BDP1: variants seen among roughly 807,000 people sequenced by gnomAD.
BDP1 encodes the protein BDP1 general transcription factor IIIB subunit, also known as transcription factor TFIIIB component B'' homolog.
A neutral mutation model predicts 266.6 loss-of-function variants in BDP1; 169 were observed. The observed-to-expected ratio is 0.63, with a 90% confidence interval of 0.56 to 0.72. BDP1 has a LOEUF of 0.72. BDP1 is among the 30% of genes least tolerant of loss of function. BDP1 has a pLI of 0.00. For synonymous variants in BDP1, 1,090 were observed against 1,022.4 expected (o/e 1.07, Z -1.26); for missense variants, 3,015 against 3,053.8 (o/e 0.99, Z 0.30).
At chr5:71,533,579 A>G (rs1299906875) in intron 26 of BDP1, among the ~76,000 whole-genome samples, 1 of 149,086 alleles carries the variant, frequency 6.7e-6, no homozygotes, top group East Asian at 2.0e-4. Context: ...GATCCTCTCC[A>G]CTCAGCATCC....
At chr5:71,550,718 A>T (rs1432576287) in intron 34 of BDP1, among the ~76,000 whole-genome samples, 2 of 152,186 alleles carry the variant, frequency 1.3e-5, no homozygotes, top group East Asian at 3.9e-4. Context: ...TAATATTTTT[A>T]TTTTTGGAGA....
At chr5:71,531,384 G>C (rs1766237171) in intron 25 of BDP1, among the ~76,000 whole-genome samples, 1 of 152,188 alleles carries the variant, frequency 6.6e-6, no homozygotes, top group South Asian at 2.1e-4. Flanking sequence ...CAAATGAAGA[G>C]TAAATATGAG....
Position 71,455,937 on chromosome 5 carries a change from G to A in BDP1, c.60G>A (p.Arg20=), listed in dbSNP as rs745923851. 11 of 1,611,786 alleles carry A rather than the reference G, an allele frequency of 6.8e-6. No individual in the cohort carries two copies. The East Asian group carries it at 2.2e-4, about 33-fold the overall frequency. ...KPNVRPGVGA[R]GSTASNPQRG... ...ATGTCAGGCCTGGTGTAGGCGCCAG[G>A]GGCTCCACAGCTTCCAATCCCCAGC... The change falls in exon 1 of 39, where the codon AGG becomes AGA. Residue 20 remains arginine, a synonymous_variant. Coordinates refer to ENST00000358731, the MANE Select transcript of BDP1 (RefSeq NM_018429.3).
chr5:71,503,667 T>C (rs1339744830), intron 15 of BDP1, among the ~76,000 whole-genome samples: 5 of 152,284 alleles, frequency 3.3e-5, no homozygotes, highest in South Asian at 2.1e-4. Flanking sequence ...CAATTTCTTA[T>C]AATTCCCATG....
In BDP1 at chr5:71,511,027, G is replaced by A. The variant is rs1237631380; in HGVS notation, c.3935G>A (p.Gly1312Glu). Reference sequence around the variant, plus strand: ...AAGGTGGCAGAATTGAAACAAACTGGAAAAACAGACATTTCTCCAAGGGAA... The same window carrying A: ...AAGGTGGCAGAATTGAAACAAACTGAAAAAACAGACATTTCTCCAAGGGAA... The part of the protein sequence containing the change: ...EEKVAELKQT[G>E]KTDISPRENE... Residue 1312 changes from glycine (G) to glutamate (E), a missense_variant, in exon 17 of 39, where the codon GGA becomes GAA. Gly to Glu is a moderately conservative substitution (Grantham distance 98, BLOSUM62 -2). Transcript: ENST00000358731. The A allele has an allele frequency of 6.2e-7, 1 of 1,614,032 alleles. No homozygotes were observed. Among genetic ancestry groups the A allele is most frequent in the South Asian group, 1.1e-5 (1 of 91,056 alleles).
intron 25 of BDP1, 56 bp downstream of exon 25, chr5:71,524,379 T>C: frequency 6.8e-7 from 1 of 1,476,296 alleles, no homozygotes; most frequent in Non-Finnish European, 9.1e-7. Flanking sequence ...TCACCTCTTG[T>C]TTCTTTTAGG....
At chr5:71,545,555 G>A (rs887921684) in intron 32 of BDP1, 1 of 265,686 alleles carries the variant, frequency 3.8e-6, no homozygotes, top group South Asian at 5.5e-5. Context: ...GGTCTTGAAC[G>A]CCTGGCTTCA....
chr5:71,504,655 A>G lies in BDP1; in HGVS notation c.2276A>G (p.Asp759Gly), dbSNP rs767099078. ...CACATGGAAGATCAATCGCGTAAAG[A>G]TTTTGAAGAGGAAGATGTCATATTA... is the stretch of plus-strand genomic sequence containing the variant. ...PQHMEDQSRKDFEEEDVILQP... is the reference protein window; with the variant it reads ...PQHMEDQSRKGFEEEDVILQP... The change falls in exon 16 of 39, where the codon GAT becomes GGT. Residue 759 changes from aspartate (D) to glycine (G), a missense_variant. Transcript: ENST00000358731. The G allele has an allele frequency of 6.2e-7, 1 of 1,613,688 alleles. No individual in the cohort carries two copies.
At chr5:71,508,831 G>A (rs1355477575) in intron 16 of BDP1, among the ~76,000 whole-genome samples, 1 of 152,234 alleles carries the variant, frequency 6.6e-6, no homozygotes, top group Admixed American at 6.5e-5. Context: ...GCTTTGGATA[G>A]TGGTTGTGTG....
At chr5:71,460,206 C>A (rs1024509792) in intron 2 of BDP1, among the ~76,000 whole-genome samples, 4 of 152,108 alleles carry the variant, frequency 2.6e-5, no homozygotes, top group African/African-American at 9.7e-5. Context: ...ATGGTGAAAC[C>A]CCGTCTCTAC....
At chr5:71,553,013 G>A in intron 34 of BDP1, 103 bp from the exon 35 acceptor site, 1 of 974,384 alleles carries the variant, frequency 1.0e-6, no homozygotes, top group South Asian at 1.7e-5. Context: ...GAATACCTCA[G>A]CCTTTAACTT....
chr5:71,555,860 T>G (rs1247207941), intron 35 of BDP1, among the ~76,000 whole-genome samples: 1 of 152,232 alleles, frequency 6.6e-6, no homozygotes, highest in African/African-American at 2.4e-5. Context: ...CTCAAATTAA[T>G]ATGAATTTTA....
At chr5:71,577,246 T>C in the BDP1 span, among the ~76,000 whole-genome samples, 2 of 152,228 alleles carry the variant, frequency 1.3e-5, no homozygotes, top group African/African-American at 4.8e-5. Flanking sequence ...AGTTTACTCA[T>C]TGTGTCCGTA....
chr5:71,559,790 A>C (rs1743498359), intron 36 of BDP1, among the ~76,000 whole-genome samples, 192 bp from the exon 37 acceptor site: 1 of 152,216 alleles, frequency 6.6e-6, no homozygotes, highest in Non-Finnish European at 1.5e-5. Flanking sequence ...TGAATGCAGA[A>C]GCTGTTAGCA....
At chr5:71,467,083 G>A (rs1011890847) in intron 5 of BDP1, among the ~76,000 whole-genome samples, 5 of 152,106 alleles carry the variant, frequency 3.3e-5, no homozygotes, top group East Asian at 1.9e-4. Context: ...TACAAATACC[G>A]TTTTATAATA....
chr5:71,477,159 C>A (rs1235469744), intron 7 of BDP1, among the ~76,000 whole-genome samples: 1 of 151,792 alleles, frequency 6.6e-6, no homozygotes, highest in Non-Finnish European at 1.5e-5. Context: ...TTTTTCCTTT[C>A]CTTTTCTTTT....
chr5:71,562,859 CAT>C (rs142046343), intron 38 of BDP1: 133 of 1,296,448 alleles, frequency 1.0e-4, no homozygotes, highest in East Asian at 1.6e-4. Context: ...AATTTGTTCA[CAT>C]GTTTCATTTC....
rs181874470 is a variant in BDP1 at position 71,486,010 on chromosome 5, T to A, written c.1070-474T>A. Among the ~76,000 whole-genome samples, 42 of 152,300 alleles carry A rather than the reference T, an allele frequency of 2.8e-4. 1 individual carries two copies. Among genetic ancestry groups the A allele is most frequent in the African/African-American group, 1.0e-3 (42 of 41,570 alleles). ...CTTTCTGAACAATCAAATGCTGTCC[T>A]CCTGGCCCAAGGCAACCACTATTTT... On this transcript the variant is annotated intron_variant, in intron 8 of 38. Coordinates refer to ENST00000358731, the MANE Select transcript of BDP1 (RefSeq NM_018429.3).
chr5:71,504,467 A>G (rs1764453552), intron 15 of BDP1, among the ~76,000 whole-genome samples, 154 bp from the exon 16 acceptor site: 1 of 152,154 alleles, frequency 6.6e-6, no homozygotes, highest in South Asian at 2.1e-4. Context: ...ATTTTCTAAG[A>G]TAGCTAAAGA....
Sources: gnomAD v4.1 joint callset for allele counts (sites outside exome capture counted in the v4.1 genomes callset) on GRCh38, gnomAD v4.1.1 for gene constraint, MANE v1.5 for transcripts, NCBI Gene and HGNC (gene_info 2026-07-23, HGNC 2026-07-21) for gene names.